Variants in ADAMTSL1 observed in about 807,000 individuals in gnomAD.
ADAMTSL1 encodes the protein ADAMTS like 1, also known as ADAMTS-like protein 1.
ADAMTSL1 carries 126 observed loss-of-function variants against 201.8 expected under a neutral mutation model. That is an observed-to-expected ratio of 0.62 (90% confidence interval 0.54 to 0.72). ADAMTSL1 has a LOEUF of 0.72. ADAMTSL1 is among the 30% of genes least tolerant of loss of function. ADAMTSL1 has a pLI of 0.00. For synonymous variants in ADAMTSL1, 1,121 were observed against 903.4 expected (o/e 1.24, Z -4.32); for missense variants, 2,679 against 2,277.8 (o/e 1.18, Z -3.59).
chr9:18,694,205 G>A (rs987247000), intron 13 of ADAMTSL1, among the ~76,000 whole-genome samples: 4 of 152,110 alleles, frequency 2.6e-5, no homozygotes, highest in Admixed American at 6.6e-5. Flanking sequence ...CAACACTGGG[G>A]ATTATAATTT....
At chr9:18,579,352 G>C (rs1430672742) in intron 4 of ADAMTSL1, among the ~76,000 whole-genome samples, 1 of 123,894 alleles carries the variant, frequency 8.1e-6, no homozygotes, top group Non-Finnish European at 1.7e-5. Context: ...TGGTGGGGAG[G>C]GGGGAGGGGG....
At chr9:18,115,067 T>TA (rs964480512) in intron 1 of ADAMTSL1, among the ~76,000 whole-genome samples, 24 of 152,172 alleles carry the variant, frequency 1.6e-4, no homozygotes, top group African/African-American at 4.3e-4. Flanking sequence ...TGCCAGGTTT[T>TA]AAAAAAAATG....
Position 18,760,617 on chromosome 9 carries a change from C to G in ADAMTSL1, c.2217+7109C>G, listed in dbSNP as rs541772803. On this transcript the variant is annotated intron_variant, in intron 16 of 28. Coordinates refer to ENST00000380548, the MANE Select transcript of ADAMTSL1 (RefSeq NM_001040272.6). ...TTTCTACAAATTGGATCATGTTACCCCCTACTTTGAAACCCCTATTGATAC... is the reference window on the plus strand; with the variant it reads ...TTTCTACAAATTGGATCATGTTACCGCCTACTTTGAAACCCCTATTGATAC... 2.0e-5 allele frequency among the ~76,000 whole-genome samples: 3 copies of G among 152,230 alleles called. No individual in the cohort carries two copies. In the East Asian group the frequency reaches 5.8e-4, roughly 29 times the overall value.
intron 22 of ADAMTSL1, among the ~76,000 whole-genome samples, chr9:18,827,863 C>G (rs1008365216): frequency 6.6e-6 from 1 of 152,170 alleles, no homozygotes; most frequent in South Asian, 2.1e-4. Context: ...TGTCAAGACT[C>G]TTAGGTTTAA....
At chr9:17,907,888 G>T (rs1218443435) in intron 1 of ADAMTSL1, among the ~76,000 whole-genome samples, 1 of 152,060 alleles carries the variant, frequency 6.6e-6, no homozygotes, top group Admixed American at 6.5e-5. Flanking sequence ...GGATTACTTG[G>T]GTAATTCTGG....
At chr9:18,425,859 G>GAAAAAA (rs71304881) in intron 2 of ADAMTSL1, among the ~76,000 whole-genome samples, 5 of 94,604 alleles carry the variant, frequency 5.3e-5, no homozygotes, top group African/African-American at 1.8e-4. Flanking sequence ...CCTGTCTCAA[G>GAAAAAA]AAAAAAAAAA....
At chr9:18,607,189 C>A (rs910725123) in intron 4 of ADAMTSL1, among the ~76,000 whole-genome samples, 8 of 152,166 alleles carry the variant, frequency 5.3e-5, no homozygotes, top group African/African-American at 1.7e-4. Flanking sequence ...TTCATCTCCC[C>A]TTTGATATGT....
intron 23 of ADAMTSL1, among the ~76,000 whole-genome samples, chr9:18,850,910 A>T (rs1189008215): frequency 6.6e-6 from 1 of 152,236 alleles, no homozygotes; most frequent in African/African-American, 2.4e-5. Context: ...AGCTCACAGA[A>T]CTAATTATAG....
chr9:18,263,605 A>C (rs1168919087), intron 2 of ADAMTSL1, among the ~76,000 whole-genome samples: 1 of 152,216 alleles, frequency 6.6e-6, no homozygotes, highest in Non-Finnish European at 1.5e-5. Context: ...TTGTGGACTG[A>C]AAGTTTCTGT....
chr9:18,130,469 A>G (rs533383780), intron 1 of ADAMTSL1, among the ~76,000 whole-genome samples: 5 of 152,130 alleles, frequency 3.3e-5, no homozygotes, highest in South Asian at 2.1e-4. Flanking sequence ...CCAATTATTT[A>G]TGCACATCTG....
chr9:17,914,699 C>A (rs10963339), intron 1 of ADAMTSL1, among the ~76,000 whole-genome samples: 1 of 150,466 alleles, frequency 6.6e-6, no homozygotes, highest in Non-Finnish European at 1.5e-5. Flanking sequence ...AGGAAATAAA[C>A]GGTATTCAAT....
chr9:17,927,987 C>CT (rs1826621183), intron 1 of ADAMTSL1, among the ~76,000 whole-genome samples: 1 of 145,790 alleles, frequency 6.9e-6, no homozygotes, highest in Non-Finnish European at 1.5e-5. Flanking sequence ...CTTTTCTTTT[C>CT]TTTCTTTCTT....
chr9:18,580,558 T>A (rs1823031614), intron 4 of ADAMTSL1, among the ~76,000 whole-genome samples: 1 of 152,198 alleles, frequency 6.6e-6, no homozygotes, highest in African/African-American at 2.4e-5. Flanking sequence ...ATAGTAAAGA[T>A]AAAACTAACT....
chr9:17,946,457 C>G (rs939328419), intron 1 of ADAMTSL1, among the ~76,000 whole-genome samples: 1 of 151,966 alleles, frequency 6.6e-6, no homozygotes, highest in Non-Finnish European at 1.5e-5. Context: ...ATCTTTGGTT[C>G]TCCGTTTAGA....
chr9:18,171,268 T>C (rs567679891), intron 2 of ADAMTSL1, among the ~76,000 whole-genome samples: 1 of 152,150 alleles, frequency 6.6e-6, no homozygotes, highest in South Asian at 2.1e-4. Context: ...TGGTAAAGGA[T>C]GTAATAAATG....
chr9:18,577,510 T>C (rs960839459), intron 4 of ADAMTSL1, among the ~76,000 whole-genome samples: 1 of 152,056 alleles, frequency 6.6e-6, no homozygotes, highest in African/African-American at 2.4e-5. Context: ...CAACATGAGT[T>C]TGAATCTAGC....
At chr9:18,740,837 A>G (rs574518331) in intron 15 of ADAMTSL1, among the ~76,000 whole-genome samples, 1 of 152,118 alleles carries the variant, frequency 6.6e-6, no homozygotes, top group Non-Finnish European at 1.5e-5. Flanking sequence ...TGAAGGCTTC[A>G]TGGAAGCATT....
chr9:17,964,121 C>T lies in ADAMTSL1; in HGVS notation c.87+57199C>T, dbSNP rs566632450. On this transcript the variant is annotated intron_variant, in intron 1 of 29. Coordinates refer to the ADAMTSL1 transcript ENST00000680146. ...GTTTGAAGATTGATCAAAAAGTTTA[C>T]AAACTTAGTTATTAGTAACACACTA... 1.2e-4 allele frequency among the ~76,000 whole-genome samples: 19 copies of T among 152,242 alleles called. No homozygotes were observed. The South Asian group carries it at 3.9e-3, about 32-fold the overall frequency.
chr9:18,902,903 T>A (rs1173052449), intron 26 of ADAMTSL1, among the ~76,000 whole-genome samples: 1 of 152,128 alleles, frequency 6.6e-6, no homozygotes, highest in African/African-American at 2.4e-5. Context: ...ACTACCAGTC[T>A]TACAGAAATA....
Sources: allele counts gnomAD v4.1 joint callset (sites outside exome capture counted in the v4.1 genomes callset), GRCh38; gene constraint gnomAD v4.1.1; transcripts MANE v1.5; gene names NCBI Gene and HGNC (gene_info 2026-07-23, HGNC 2026-07-21).